WDR25: variants seen among roughly 807,000 people sequenced by gnomAD.
WDR25 encodes WD repeat domain 25, also known as WD repeat-containing protein 25.
WDR25 carries 35 observed loss-of-function variants against 47.7 expected under a neutral mutation model. The ratio of observed to expected loss-of-function variants is 0.73; its 90% confidence interval spans 0.56 to 0.97. WDR25 has a LOEUF of 0.97. Ranked by LOEUF, WDR25 falls within the 50% of genes least tolerant of loss-of-function variation. The pLI is 0.00. For synonymous variants in WDR25, 248 were observed against 278.9 expected (o/e 0.89, Z 1.10); for missense variants, 634 against 704.7 (o/e 0.90, Z 1.14).
At chr14:100,399,929 C>T (rs7144016) in intron 2 of WDR25, among the ~76,000 whole-genome samples, 3,524 of 152,214 alleles carry the variant, frequency 0.023, 148 homozygotes, top group African/African-American at 0.081. Flanking sequence ...GAGGAGGGTA[C>T]GGGTGCTGCA....
chr14:100,517,334 C>T (rs1901539521), intron 4 of WDR25, among the ~76,000 whole-genome samples: 1 of 151,938 alleles, frequency 6.6e-6, no homozygotes, highest in South Asian at 2.1e-4. Flanking sequence ...GCCTCGGCCT[C>T]CCAAAGCTCC....
chr14:100,481,052 T>C (rs912840231), intron 3 of WDR25: 1 of 417,538 alleles, frequency 2.4e-6, no homozygotes, highest in African/African-American at 2.6e-5. Flanking sequence ...AAAAGTGGAA[T>C]TGAAGCTGAA....
At chr14:100,473,386 C>T (rs1385560961) in intron 3 of WDR25, among the ~76,000 whole-genome samples, 1 of 152,168 alleles carries the variant, frequency 6.6e-6, no homozygotes, top group African/African-American at 2.4e-5. Context: ...AGAGCTCCTG[C>T]TGTTGAGGTA....
chr14:100,380,499 C>CTT (rs35017232), intron 1 of WDR25, among the ~76,000 whole-genome samples: 10 of 145,352 alleles, frequency 6.9e-5, no homozygotes, highest in African/African-American at 2.3e-4. Context: ...CTTTTTCTTT[C>CTT]TTTTTTTTTT....
At chr14:100,461,991 T>A (rs2140285711) in intron 2 of WDR25, among the ~76,000 whole-genome samples, 1 of 152,194 alleles carries the variant, frequency 6.6e-6, no homozygotes, top group African/African-American at 2.4e-5. Flanking sequence ...ATCCTATAGC[T>A]GTTTCCTTTG....
intron 2 of WDR25, among the ~76,000 whole-genome samples, chr14:100,393,898 G>A (rs1209043764): frequency 2.6e-5 from 4 of 152,156 alleles, no homozygotes; most frequent in East Asian, 1.9e-4. Flanking sequence ...TTGGGGCCCC[G>A]CCTGAGTGGA....
At chr14:100,438,995 CA>C (rs1898583496) in intron 2 of WDR25, among the ~76,000 whole-genome samples, 1 of 152,166 alleles carries the variant, frequency 6.6e-6, no homozygotes, top group Non-Finnish European at 1.5e-5. Flanking sequence ...CACCTGCCCA[CA>C]AAAAATGGCC....
intron 2 of WDR25, among the ~76,000 whole-genome samples, chr14:100,429,135 C>T (rs1406273896): frequency 1.3e-5 from 2 of 152,208 alleles, no homozygotes; most frequent in African/African-American, 4.8e-5. Context: ...GGCTGCAGAA[C>T]AGGACCTGTC....
intron 4 of WDR25, among the ~76,000 whole-genome samples, chr14:100,491,871 C>T (rs538709328): frequency 6.6e-6 from 1 of 152,290 alleles, no homozygotes; most frequent in African/African-American, 2.4e-5. Context: ...AAACAGAACC[C>T]AACGTATCTG....
At chr14:100,446,422 G>A (rs1476022261) in intron 2 of WDR25, among the ~76,000 whole-genome samples, 1 of 151,818 alleles carries the variant, frequency 6.6e-6, no homozygotes, top group Non-Finnish European at 1.5e-5. Flanking sequence ...ATGGTGGTGG[G>A]TGCCTGTAAT....
At chr14:100,427,835 G>T (rs1898213949) in intron 2 of WDR25, among the ~76,000 whole-genome samples, 1 of 152,240 alleles carries the variant, frequency 6.6e-6, no homozygotes, top group African/African-American at 2.4e-5. Flanking sequence ...CTGGGGAGGG[G>T]CTGGAGCCCT....
chr14:100,483,588 A>G (rs1900279578), intron 3 of WDR25, among the ~76,000 whole-genome samples: 1 of 152,236 alleles, frequency 6.6e-6, no homozygotes, highest in Non-Finnish European at 1.5e-5. Flanking sequence ...TCCCAGATAA[A>G]TAATCTACTG....
chr14:100,434,143 T>C (rs1425331444), intron 2 of WDR25, among the ~76,000 whole-genome samples: 1 of 152,226 alleles, frequency 6.6e-6, no homozygotes, highest in African/African-American at 2.4e-5. Flanking sequence ...CATTGCTTCA[T>C]TGCTACTGGG....
intron 2 of WDR25, among the ~76,000 whole-genome samples, chr14:100,385,785 A>G (rs993673504): frequency 6.6e-6 from 1 of 151,858 alleles, no homozygotes. Flanking sequence ...CTCCCAGTGA[A>G]CTCTTTTGGC....
chr14:100,516,482 G>A (rs908365308), intron 4 of WDR25, among the ~76,000 whole-genome samples: 3 of 152,154 alleles, frequency 2.0e-5, no homozygotes, highest in Admixed American at 6.5e-5. Context: ...AGGTAAAATC[G>A]TGGACTTGTA....
chr14:100,443,125 T>C (rs1898719625), intron 2 of WDR25, among the ~76,000 whole-genome samples: 1 of 152,222 alleles, frequency 6.6e-6, no homozygotes, highest in Non-Finnish European at 1.5e-5. Context: ...TGTTCACACC[T>C]TAGGCCAGGG....
Position 100,430,038 on chromosome 14 carries a change from A to G in WDR25, c.823-37983A>G, listed in dbSNP as rs1341648389. ...TGACACCCCTAGTATGCTGCCTGAC[A>G]CATGGCAAGTGCTCAATGAATGTTT... On this transcript the variant is annotated intron_variant, in intron 2 of 6. Transcript: ENST00000402312. The surrounding 1 kb of genome is among the most constrained non-coding windows in gnomAD (Gnocchi z 4.7). Among the ~76,000 whole-genome samples, 2 of 152,092 alleles carry G rather than the reference A, an allele frequency of 1.3e-5. No homozygotes were observed. The highest frequency in any genetic ancestry group is 2.9e-5 in the Non-Finnish European group (2 of 68,022).
intron 2 of WDR25, among the ~76,000 whole-genome samples, chr14:100,429,695 A>G (rs1250389502): frequency 6.6e-6 from 1 of 152,302 alleles, no homozygotes; most frequent in Non-Finnish European, 1.5e-5. Context: ...TCCAAGGTCC[A>G]GGATCAGCCA....
intron 4 of WDR25, among the ~76,000 whole-genome samples, chr14:100,508,229 C>T (rs185801496): frequency 7.2e-5 from 11 of 152,226 alleles, no homozygotes; most frequent in Non-Finnish European, 1.3e-4. Flanking sequence ...AACATCCTTT[C>T]GTGATAAAAA....
Sources: gnomAD v4.1 joint callset for allele counts (sites outside exome capture counted in the v4.1 genomes callset) on GRCh38, gnomAD v4.1.1 for gene constraint, Gnocchi (gnomAD v3.1) non-coding constraint, MANE v1.5 for transcripts, NCBI Gene and HGNC (gene_info 2026-07-23, HGNC 2026-07-21) for gene names.